The following SPIN1 variants were observed in gnomAD, a reference collection of about 807,000 sequenced individuals.
SPIN1 encodes the protein spindlin-1.
Under a neutral mutation model 26.0 loss-of-function variants are expected in SPIN1, and 3 were observed. The observed-to-expected ratio is 0.12, with a 90% CI of 0.05 to 0.30. The LOEUF is 0.30. SPIN1 is among the 10% of genes least tolerant of loss of function. SPIN1 has a pLI of 1.00. For missense variants in SPIN1, 126 were observed against 333.4 expected (o/e 0.38, Z 4.84); for synonymous variants, 101 against 116.5 (o/e 0.87, Z 0.86).
At chr9:88,401,000 G>A (rs947860664) in intron 1 of SPIN1, among the ~76,000 whole-genome samples, 2 of 152,178 alleles carry the variant, frequency 1.3e-5, no homozygotes, top group African/African-American at 2.4e-5. Context: ...GCAACAGAGT[G>A]AGATTCTAAT....
At chr9:88,409,355 G>C (rs1186061278) in intron 1 of SPIN1, among the ~76,000 whole-genome samples, 1 of 151,318 alleles carries the variant, frequency 6.6e-6, no homozygotes, top group East Asian at 1.9e-4. Flanking sequence ...CTCCTTGTTG[G>C]CTCTGTGTGT....
At chr9:88,396,150 A>T (rs936181290) in intron 1 of SPIN1, among the ~76,000 whole-genome samples, 13 of 151,376 alleles carry the variant, frequency 8.6e-5, no homozygotes, top group African/African-American at 3.2e-4. Context: ...TCCTCATGAG[A>T]GTCACTTGAA....
chr9:88,450,830 A>G (rs962145973), intron 3 of SPIN1, among the ~76,000 whole-genome samples: 5 of 152,206 alleles, frequency 3.3e-5, no homozygotes, highest in African/African-American at 9.7e-5. Flanking sequence ...AAGTTTCCAC[A>G]TTCACGAATG....
At chr9:88,433,085 TTTTG>T (rs984990035) in intron 2 of SPIN1, among the ~76,000 whole-genome samples, 10 of 151,982 alleles carry the variant, frequency 6.6e-5, no homozygotes, top group African/African-American at 2.4e-4. Context: ...ATAAATTACT[TTTTG>T]TTTGTTTTGA....
chr9:88,427,237 A>G (rs1827780596), intron 2 of SPIN1, among the ~76,000 whole-genome samples: 1 of 152,204 alleles, frequency 6.6e-6, no homozygotes, highest in Admixed American at 6.5e-5. Context: ...GGGTTCTTTG[A>G]CAAATGAATC....
At chr9:88,399,254 G>C (rs1827137008) in intron 1 of SPIN1, among the ~76,000 whole-genome samples, 1 of 151,922 alleles carries the variant, frequency 6.6e-6, no homozygotes, top group Non-Finnish European at 1.5e-5. Context: ...GGCTGGTCTT[G>C]AACTCCTGAC....
intron 2 of SPIN1, among the ~76,000 whole-genome samples, chr9:88,433,370 AGT>A (rs1564031256): frequency 6.6e-6 from 1 of 152,190 alleles, no homozygotes; most frequent in Non-Finnish European, 1.5e-5. Flanking sequence ...GTCATGCACC[AGT>A]GTACCTGCTT....
In SPIN1 at chr9:88,476,522, C is replaced by A. The variant is rs1828891614; in HGVS notation, c.*1245C>A. 6.6e-6 allele frequency: 1 copy of A among 152,134 alleles called. No individual in the cohort carries two copies. The highest frequency in any genetic ancestry group is 2.4e-5 in the African/African-American group (1 of 41,424). 9.4% of individuals were successfully genotyped at this position (152,134 alleles called of 1,614,324 possible). ...ATGTTCCTGCTCCAGGTATGCTGTT[C>A]ATGTGGATTCATTCCATTCAGTGGC... On this transcript the variant is annotated 3_prime_UTR_variant, in exon 6 of 6. Transcript: ENST00000375859.
intron 5 of SPIN1, among the ~76,000 whole-genome samples, chr9:88,470,874 A>G (rs1354156181): frequency 6.6e-6 from 1 of 152,206 alleles, no homozygotes; most frequent in Admixed American, 6.5e-5. Context: ...GATTACAGAC[A>G]TGAGCCACCA....
intron 1 of SPIN1, among the ~76,000 whole-genome samples, chr9:88,401,936 C>T (rs1211383697): frequency 1.3e-5 from 2 of 152,128 alleles, no homozygotes; most frequent in East Asian, 1.9e-4. Context: ...TTGTTGCATG[C>T]ATAGAATGTA....
intron 5 of SPIN1, among the ~76,000 whole-genome samples, chr9:88,474,257 G>T (rs146877990): frequency 6.6e-6 from 1 of 152,156 alleles, no homozygotes; most frequent in African/African-American, 2.4e-5. Context: ...TCTTAAAATA[G>T]AATTATAATT....
Position 88,414,517 on chromosome 9 carries a change from C to T in SPIN1, c.-158-11865C>T, listed in dbSNP as rs73500216. ...CAGCAATTCTGTTTTCAGTTTGATG[C>T]CTAAGGACCAGGCCTAGTGATATCA... On this transcript the variant is annotated intron_variant, in intron 1 of 5. Transcript: ENST00000375859. 9.8e-3 allele frequency among the ~76,000 whole-genome samples: 1,500 copies of T among 152,294 alleles called. 24 individuals are homozygous for T. Among genetic ancestry groups the T allele is most frequent in the African/African-American group, 0.034 (1,426 of 41,546 alleles).
At chr9:88,393,658 T>C (rs2117865349) in intron 1 of SPIN1, among the ~76,000 whole-genome samples, 1 of 152,068 alleles carries the variant, frequency 6.6e-6, no homozygotes, top group African/African-American at 2.4e-5. Flanking sequence ...GGTTTCATCA[T>C]GTTGGCCAGG....
At position 88,462,589 on chromosome 9, in the gene SPIN1, G is replaced by T; in HGVS notation, c.195G>T (p.Gly65=). ...GGATTCAGCATGGGTGGAAAGAGGGGAATGGCCCTGTTACCCAGTGGAAAG... is the reference window on the plus strand; with the variant it reads ...GGATTCAGCATGGGTGGAAAGAGGGTAATGGCCCTGTTACCCAGTGGAAAG... ...GCRIQHGWKE[G]NGPVTQWKGT... is the part of the protein sequence containing the mutation. Residue 65 remains glycine, a synonymous_variant, in exon 4 of 6, where the codon GGG becomes GGT. Coordinates refer to ENST00000375859, the MANE Select transcript of SPIN1 (RefSeq NM_006717.3). 6.2e-7 allele frequency: 1 copy of T among 1,614,150 alleles called. No homozygotes were observed. The highest frequency in any genetic ancestry group is 8.5e-7 in the Non-Finnish European group (1 of 1,180,020).
Position 88,442,933 on chromosome 9 carries a change from A to T in SPIN1, c.53-6008A>T, listed in dbSNP as rs561303772. Among the ~76,000 whole-genome samples the T allele has an allele frequency of 1.5e-4, 22 of 151,716 alleles. 2 individuals are homozygous for T. Among genetic ancestry groups the T allele is most frequent in the African/African-American group, 4.8e-4 (20 of 41,412 alleles). Reference sequence around the variant, plus strand: ...TCAGGAGTTCAAGACCAGCCTGACCAACATGGTGAAACCCTGTCTCTACTA... The same window carrying T: ...TCAGGAGTTCAAGACCAGCCTGACCTACATGGTGAAACCCTGTCTCTACTA... On this transcript the variant is annotated intron_variant, in intron 2 of 5. Coordinates refer to ENST00000375859, the MANE Select transcript of SPIN1 (RefSeq NM_006717.3).
intron 1 of SPIN1, among the ~76,000 whole-genome samples, chr9:88,388,993 C>CCGGCGA (rs1213662588): frequency 4.7e-5 from 7 of 149,914 alleles, no homozygotes; most frequent in African/African-American, 1.5e-4. Flanking sequence ...TAATCCCGGG[C>CCGGCGA]CGGCGACGGG....
rs554777286 is a variant in SPIN1 at position 88,467,139 on chromosome 9, A to G, written c.356-1233A>G. Reference sequence around the variant, plus strand: ...TGTGGACTGGAGAAGTCTTAAAACCAATGGGATCCTTCATAGTTTTTCCAG... The same window carrying G: ...TGTGGACTGGAGAAGTCTTAAAACCGATGGGATCCTTCATAGTTTTTCCAG... On this transcript the variant is annotated intron_variant, in intron 4 of 5. Transcript: ENST00000375859. Among the ~76,000 whole-genome samples, 42 of 152,306 alleles carry G rather than the reference A, an allele frequency of 2.8e-4. 2 individuals are homozygous for G. The highest frequency in any genetic ancestry group is 1.3e-3 in the Admixed American group (20 of 15,300).
At chr9:88,473,546 C>A (rs190897237) in intron 5 of SPIN1, among the ~76,000 whole-genome samples, 18 of 152,212 alleles carry the variant, frequency 1.2e-4, no homozygotes, top group Admixed American at 3.9e-4. Context: ...AGAGCAAGTC[C>A]TGTTAACCTA....
chr9:88,469,365 TTGAC>T (rs1397612881), intron 5 of SPIN1, among the ~76,000 whole-genome samples: 3 of 152,182 alleles, frequency 2.0e-5, no homozygotes, highest in East Asian at 1.9e-4. Context: ...CAGAAAACGA[TTGAC>T]TGCTAACTTT....
Sources: gnomAD v4.1 joint callset for allele counts (sites outside exome capture counted in the v4.1 genomes callset) on GRCh38, gnomAD v4.1.1 for gene constraint, MANE v1.5 for transcripts, NCBI Gene and HGNC (gene_info 2026-07-23, HGNC 2026-07-21) for gene names.